Variants in GUCY2F observed in about 807,000 individuals in gnomAD.
GUCY2F encodes the protein retinal guanylyl cyclase 2.
A neutral mutation model predicts 73.1 loss-of-function variants in GUCY2F; 61 were observed. That is an observed-to-expected ratio of 0.83 (90% CI 0.68 to 1.03). GUCY2F has a LOEUF of 1.03. GUCY2F is among the 50% of genes least tolerant of loss of function. The pLI is 0.00. For synonymous variants in GUCY2F, 331 were observed against 307.8 expected, an observed-to-expected ratio of 1.08 and a Z score of -0.79; for missense variants, 912 against 854.3, an observed-to-expected ratio of 1.07 and a Z score of -0.84.
At chrX:109,399,966 G>C (rs1309193789) in intron 10 of GUCY2F, among the ~76,000 whole-genome samples, 2 of 108,452 alleles carry the variant, frequency 1.8e-5, no homozygotes, top group Non-Finnish European at 3.8e-5. Context: ...TGATGAAGTG[G>C]GGGAGGGCGG....
intron 11 of GUCY2F, among the ~76,000 whole-genome samples, chrX:109,398,089 T>C (rs1365870525): frequency 9.0e-6 from 1 of 110,709 alleles, no homozygotes. Context: ...CCTCAAAGTT[T>C]TGTCTACTGA....
rs16985738 is a variant in GUCY2F, at chrX:109,429,113, A to G, written c.1791+1194T>C. Among the ~76,000 whole-genome samples the G allele has an allele frequency of 9.7e-3, 1,091 of 112,250 alleles. 15 individuals carry two copies. The highest frequency in any genetic ancestry group is 0.034 in the African/African-American group (1,041 of 30,914). ...ATCTCCAAGCATTACAATCACGTGT[A>G]AGAAAAATACCAAATTGGCTGGGCG... On this transcript the variant is annotated intron_variant, in intron 8 of 19. Coordinates refer to ENST00000218006, the MANE Select transcript of GUCY2F (RefSeq NM_001522.3).
chrX:109,443,757 A>G (rs1931930273), intron 6 of GUCY2F, among the ~76,000 whole-genome samples: 1 of 112,213 alleles, frequency 8.9e-6, no homozygotes, highest in African/African-American at 3.2e-5. Context: ...TAGGCAATTG[A>G]TATGAACTGT....
At chrX:109,480,707 A>G (rs1463338749) in intron 1 of GUCY2F, among the ~76,000 whole-genome samples, 1 of 110,510 alleles carries the variant, frequency 9.0e-6, no homozygotes, top group African/African-American at 3.3e-5. Flanking sequence ...CCCTTTGTTA[A>G]CTGCAAGATA....
intron 8 of GUCY2F, among the ~76,000 whole-genome samples, chrX:109,414,524 A>C (rs1463263632): frequency 8.9e-6 from 1 of 111,871 alleles, no homozygotes; most frequent in Admixed American, 9.5e-5. Flanking sequence ...TTTAGTACCT[A>C]TTATTTGCCA....
At position 109,427,006 on chromosome X, in the gene GUCY2F, C is replaced by G. The variant is rs969885108; in HGVS notation, c.1791+3301G>C. On this transcript the variant is annotated intron_variant, in intron 8 of 19. Coordinates refer to ENST00000218006, the MANE Select transcript of GUCY2F (RefSeq NM_001522.3). The stretch of plus-strand genomic sequence containing the variant: ...TGCTAAAACAGAGAATGGCATTAGC[C>G]TCAAAAGCTTGTGAATGTGTTTAAC... Among the ~76,000 whole-genome samples the G allele has an allele frequency of 1.6e-4, 18 of 111,644 alleles. No individual in the cohort carries two copies. In the Admixed American group the frequency reaches 1.6e-3, roughly 10 times the overall value.
At chrX:109,450,769 A>G (rs1223986248) in intron 5 of GUCY2F, among the ~76,000 whole-genome samples, 1 of 112,066 alleles carries the variant, frequency 8.9e-6, no homozygotes, top group Non-Finnish European at 1.9e-5. Context: ...AAATTGGATA[A>G]TAGAAGTTTT....
At chrX:109,453,365 G>A (rs1932177222) in intron 4 of GUCY2F, 140 bp downstream of exon 4, 1 of 411,115 alleles carries the variant, frequency 2.4e-6, no homozygotes, top group African/African-American at 2.5e-5. Context: ...ACTAGATAGA[G>A]TGCCAAGAAG....
At chrX:109,430,616 A>G (rs1468959059) in intron 7 of GUCY2F, among the ~76,000 whole-genome samples, 1 of 112,408 alleles carries the variant, frequency 8.9e-6, no homozygotes, top group Admixed American at 9.4e-5. Flanking sequence ...CAAGACAGGG[A>G]AACAATTGCA....
In GUCY2F at chrX:109,478,429, T is replaced by C. The variant is rs143748234; in HGVS notation, c.-85-2408A>G. ...GAACTACATTATCTCTCTGTCCTTA[T>C]AGGCCTCACTCTTTTGACCACTAGG... is the stretch of plus-strand genomic sequence containing the variant. On this transcript the variant is annotated intron_variant, in intron 1 of 19. Transcript: ENST00000218006. Among the ~76,000 whole-genome samples the C allele has an allele frequency of 7.4e-3, 830 of 112,570 alleles. 4 individuals are homozygous for C. The highest frequency in any genetic ancestry group is 0.025 in the African/African-American group (780 of 30,984).
Position 109,396,010 on chromosome X carries a change from A to G in GUCY2F, c.2276-521T>C, listed in dbSNP as rs771251777. On this transcript the variant is annotated intron_variant, in intron 11 of 19. Transcript: ENST00000218006. ...GAACTCCACTTCCAGTGGAATATTTACTATATACCAGTAATGTGCTGAACG... is the reference window on the plus strand; with the variant it reads ...GAACTCCACTTCCAGTGGAATATTTGCTATATACCAGTAATGTGCTGAACG... Among the ~76,000 whole-genome samples the G allele has an allele frequency of 8.9e-5, 10 of 112,449 alleles. No individual in the cohort carries two copies. The South Asian group carries it at 3.7e-3, about 42-fold the overall frequency.
chrX:109,433,732 C>A (rs1705275949), intron 7 of GUCY2F, among the ~76,000 whole-genome samples: 4 of 111,744 alleles, frequency 3.6e-5, no homozygotes. Context: ...ACTCTATTCA[C>A]TAAACTTTTT....
intron 7 of GUCY2F, among the ~76,000 whole-genome samples, chrX:109,434,217 C>A (rs952919938): frequency 2.7e-5 from 3 of 110,343 alleles, no homozygotes; most frequent in Non-Finnish European, 5.7e-5. Flanking sequence ...CAGGGTTACA[C>A]TGCTGCCCAC....
chrX:109,416,725 C>T (rs764977825), intron 8 of GUCY2F, among the ~76,000 whole-genome samples: 11 of 110,859 alleles, frequency 9.9e-5, no homozygotes, highest in African/African-American at 3.6e-4. Context: ...CATATTCAAA[C>T]TCCTACAATC....
chrX:109,448,430 T>C (rs964402066), intron 5 of GUCY2F, among the ~76,000 whole-genome samples: 1 of 111,903 alleles, frequency 8.9e-6, no homozygotes, highest in Non-Finnish European at 1.9e-5. Flanking sequence ...AGGCTCTGCA[T>C]GGGAATGGTA....
intron 2 of GUCY2F, among the ~76,000 whole-genome samples, chrX:109,471,698 G>C (rs1185374945): frequency 8.9e-6 from 1 of 112,527 alleles, no homozygotes; most frequent in Non-Finnish European, 1.9e-5. Context: ...TAAGAGAATT[G>C]AGTTGAGAAT....
chrX:109,453,485 A>G lies in GUCY2F; in HGVS notation c.1387+20T>C. 1 of 1,059,188 alleles carries G rather than the reference A, an allele frequency of 9.4e-7. No individual in the cohort carries two copies. The highest frequency in any genetic ancestry group is 2.3e-5 in the Admixed American group (1 of 42,632). 87.3% of individuals were successfully genotyped at this position (1,059,188 alleles called of 1,213,427 possible). ...CCCAAGCTGAGCCAAATTGACTACT[A>G]GTGATTTTGCATTCCTTACCTCCAT... On this transcript the variant is annotated intron_variant, in intron 4 of 19. Coordinates refer to ENST00000218006, the MANE Select transcript of GUCY2F (RefSeq NM_001522.3).
At chrX:109,401,414 G>T (rs1930836846) in intron 10 of GUCY2F, among the ~76,000 whole-genome samples, 1 of 112,043 alleles carries the variant, frequency 8.9e-6, no homozygotes, top group Non-Finnish European at 1.9e-5. Context: ...CTACCTTTCT[G>T]AACCTTGGCT....
intron 2 of GUCY2F, among the ~76,000 whole-genome samples, chrX:109,467,975 T>C (rs1032079011): frequency 7.1e-5 from 8 of 112,048 alleles, no homozygotes; most frequent in African/African-American, 2.6e-4. Context: ...CCCAGACTCC[T>C]TATCTCAATT....
Sources: gnomAD v4.1 joint callset for allele counts (sites outside exome capture counted in the v4.1 genomes callset) on GRCh38, gnomAD v4.1.1 for gene constraint, MANE v1.5 for transcripts, NCBI Gene and HGNC (gene_info 2026-07-23, HGNC 2026-07-21) for gene names.